Variants in MAPK8 observed in about 807,000 individuals in gnomAD.
MAPK8 encodes the protein JUN N-terminal kinase.
Under a neutral mutation model 52.9 loss-of-function variants are expected in MAPK8, and 13 were observed. The observed-to-expected ratio is 0.25, with a 90% CI of 0.16 to 0.39. The LOEUF (loss-of-function observed/expected upper bound fraction) is 0.39. MAPK8 is among the 10% of genes least tolerant of loss of function. The pLI is 1.00. For missense variants in MAPK8, 300 were observed against 519.2 expected, an observed-to-expected ratio of 0.58 and a Z score of 4.10; for synonymous variants, 191 against 169.8, an observed-to-expected ratio of 1.12 and a Z score of -0.97.
intron 3 of MAPK8, among the ~76,000 whole-genome samples, chr10:48,406,796 C>T (rs1479700173): frequency 6.6e-6 from 1 of 152,136 alleles, no homozygotes; most frequent in Non-Finnish European, 1.5e-5. Flanking sequence ...GGCCGTTTAT[C>T]TCTGAACACA....
intron 1 of MAPK8, among the ~76,000 whole-genome samples, chr10:48,360,730 T>C (rs772114293): frequency 3.0e-4 from 46 of 152,182 alleles, no homozygotes; most frequent in Non-Finnish European, 5.9e-5. Flanking sequence ...ATGATTTCTT[T>C]TATATGAAGT....
Position 48,388,126 on chromosome 10 carries a change from A to G in MAPK8, c.-49-13486A>G, listed in dbSNP as rs187654965. Among the ~76,000 whole-genome samples the G allele has an allele frequency of 3.8e-3, 582 of 152,272 alleles. 3 individuals are homozygous for G. The highest frequency in any genetic ancestry group is 0.01 in the Middle Eastern group (3 of 294). ...CATGGTATAGGTAGGGAATTCTAAA[A>G]TGTTCCTTCTTGCCTGCCAGCTTTA... On this transcript the variant is annotated intron_variant, in intron 1 of 11. Coordinates refer to ENST00000374189, the MANE Select transcript of MAPK8 (RefSeq NM_001323329.2).
At chr10:48,331,588 C>A (rs538180233) in intron 1 of MAPK8, among the ~76,000 whole-genome samples, 1 of 152,304 alleles carries the variant, frequency 6.6e-6, no homozygotes, top group Non-Finnish European at 1.5e-5. Flanking sequence ...TGGGGACCTT[C>A]CCAGCTTGGG....
At chr10:48,418,248 C>T (rs2043167787) in intron 5 of MAPK8, among the ~76,000 whole-genome samples, 1 of 152,186 alleles carries the variant, frequency 6.6e-6, no homozygotes, top group Non-Finnish European at 1.5e-5. Flanking sequence ...ATGTGAGTTT[C>T]CCTGCTGCTC....
intron 7 of MAPK8, chr10:48,424,678 C>T (rs1368567957): frequency 2.9e-6 from 2 of 682,662 alleles, no homozygotes; most frequent in Admixed American, 2.8e-5. Context: ...TTTGTCTCTC[C>T]CTAATATATT....
chr10:48,427,650 C>G (rs955914561), intron 10 of MAPK8, among the ~76,000 whole-genome samples: 4 of 152,116 alleles, frequency 2.6e-5, no homozygotes, highest in Non-Finnish European at 4.4e-5. Context: ...TGCCATCACA[C>G]CCGGCTAATT....
intron 11 of MAPK8, among the ~76,000 whole-genome samples, chr10:48,432,252 T>G (rs906724958): frequency 6.6e-6 from 1 of 152,230 alleles, no homozygotes; most frequent in African/African-American, 2.4e-5. Context: ...AAAAAATAGA[T>G]GTTGTATCTA....
At position 48,323,037 on chromosome 10, in the gene MAPK8, A is replaced by T. The variant is rs555496941; in HGVS notation, c.-50+16216A>T. 2.0e-5 allele frequency among the ~76,000 whole-genome samples: 3 copies of T among 152,298 alleles called. No individual in the cohort carries two copies. In the East Asian group the frequency reaches 5.8e-4, roughly 29 times the overall value. On this transcript the variant is annotated intron_variant, in intron 1 of 11. Coordinates refer to ENST00000374189, the MANE Select transcript of MAPK8 (RefSeq NM_001323329.2). The stretch of plus-strand genomic sequence containing the variant: ...TATGTCATAAGATTCTCTGTTTGAA[A>T]TTGTAGTATATGTGGTTTCAGTTTT...
chr10:48,408,585 C>T lies in MAPK8; in HGVS notation c.253-1294C>T, dbSNP rs536968149. Among the ~76,000 whole-genome samples, 6 of 152,234 alleles carry T rather than the reference C, an allele frequency of 3.9e-5. No homozygotes were observed. The East Asian group carries it at 1.2e-3, about 29-fold the overall frequency. On this transcript the variant is annotated intron_variant, in intron 3 of 11. Transcript: ENST00000374189. ...ATCATGGAGGCTTTTGAATATACTG[C>T]AAGGGAGTTTCAGAATATATTTGTT...
At chr10:48,424,468 T>C in intron 7 of MAPK8, 1 of 1,269,164 alleles carries the variant, frequency 7.9e-7, no homozygotes, top group South Asian at 1.4e-5. Context: ...TTTTTTTTTA[T>C]TTTAACCAAA....
intron 3 of MAPK8, among the ~76,000 whole-genome samples, chr10:48,405,198 G>T (rs2042397446): frequency 6.6e-6 from 1 of 151,440 alleles, no homozygotes; most frequent in Non-Finnish European, 1.5e-5. Context: ...TAGATTATAT[G>T]ATTTCCTGTC....
At position 48,404,758 on chromosome 10, in the gene MAPK8, G is replaced by A. The variant is rs1176354191; in HGVS notation, c.123-94G>A. 8 of 928,476 alleles carry A rather than the reference G, an allele frequency of 8.6e-6. No homozygotes were observed. In the South Asian group the frequency reaches 1.3e-4, roughly 15 times the overall value. The allele number at this position is 928,476 out of a possible 1,614,324, so 57.5% of individuals were successfully genotyped here. On this transcript the variant is annotated intron_variant, in intron 2 of 11. Transcript: ENST00000374189. ...GAAGGGATCCAGTTACTTGTCTTTG[G>A]AGAAAGTGAGAAATGTATATGACTG...
intron 1 of MAPK8, among the ~76,000 whole-genome samples, chr10:48,330,990 T>C (rs961009008): frequency 6.6e-6 from 1 of 152,186 alleles, no homozygotes; most frequent in Non-Finnish European, 1.5e-5. Context: ...TCATTGGTGA[T>C]GAGTATAGGA....
intron 1 of MAPK8, among the ~76,000 whole-genome samples, chr10:48,340,843 C>T (rs1845183830): frequency 6.6e-6 from 1 of 152,220 alleles, no homozygotes; most frequent in South Asian, 2.1e-4. Flanking sequence ...CTATACTGCC[C>T]TACAAATTCT....
intron 1 of MAPK8, among the ~76,000 whole-genome samples, chr10:48,398,709 G>C (rs552395266): frequency 3.9e-5 from 6 of 152,168 alleles, no homozygotes; most frequent in Non-Finnish European, 8.8e-5. Context: ...CTAGTAAAAG[G>C]ACTCCAGCAT....
At chr10:48,401,838 C>G in intron 2 of MAPK8, 56 bp downstream of exon 2, 1 of 1,322,106 alleles carries the variant, frequency 7.6e-7, no homozygotes, top group Middle Eastern at 2.4e-4. Context: ...ACCTTTTCTC[C>G]TCTCGTAATT....
intron 1 of MAPK8, among the ~76,000 whole-genome samples, chr10:48,362,902 A>C (rs982138113): frequency 6.6e-6 from 1 of 151,056 alleles, no homozygotes; most frequent in African/African-American, 2.4e-5. Flanking sequence ...CACCACGCCC[A>C]GCTGATTTTT....
Position 48,435,001 on chromosome 10 carries a change from CAGCTG to C in MAPK8, c.1257_1261del (p.Gly421SerfsTer5). On this transcript the variant is annotated frameshift_variant, in exon 12 of 12. Transcript: ENST00000374189. LOFTEE classifies it high-confidence loss of function. ...GATACAGACAGCAGTCTAGAAGCAG[CAGCTG>C]GGCCTCTGGGCTGCTGTAGATGACT... 1 of 1,595,074 alleles carries C rather than the reference CAGCTG, an allele frequency of 6.3e-7. No individual in the cohort carries two copies. Among genetic ancestry groups the C allele is most frequent in the Non-Finnish European group, 8.5e-7 (1 of 1,170,598 alleles).
intron 10 of MAPK8, 161 bp from the exon 11 acceptor site, chr10:48,431,032 T>C (rs1276647388): frequency 9.3e-6 from 6 of 644,100 alleles, no homozygotes; most frequent in Non-Finnish European, 1.7e-5. Context: ...TTGTTATTAA[T>C]TAACATCCTT....
Sources: gnomAD v4.1 joint callset for allele counts (sites outside exome capture counted in the v4.1 genomes callset) on GRCh38, gnomAD v4.1.1 for gene constraint, MANE v1.5 for transcripts, NCBI Gene and HGNC (gene_info 2026-07-23, HGNC 2026-07-21) for gene names.